Variants in CLSTN2 observed in about 807,000 individuals in gnomAD.
CLSTN2 encodes calsyntenin-2.
CLSTN2 carries 48 observed loss-of-function variants against 101.2 expected under a neutral mutation model. That is an observed-to-expected ratio of 0.47 (90% CI 0.38 to 0.60). The LOEUF (loss-of-function observed/expected upper bound fraction) is 0.60. Among genes scored for constraint, CLSTN2 ranks in the 20% least tolerant of loss-of-function variants. The pLI, the probability that CLSTN2 is intolerant of heterozygous loss-of-function variation, is 0.00. For synonymous variants in CLSTN2, 481 were observed against 463.6 expected, an observed-to-expected ratio of 1.04 and a Z score of -0.48; for missense variants, 1,160 against 1,238.2, an observed-to-expected ratio of 0.94 and a Z score of 0.95.
chr3:140,566,039 TC>T lies in CLSTN2; in HGVS notation c.2668-12del, dbSNP rs1936018958. The stretch of plus-strand genomic sequence containing the variant: ...GCCCCTGATGAGCATTTGCTTTTTC[TC>T]CTTGATATCCAGAAACATGAAGGAC... On this transcript the variant is annotated splice_polypyrimidine_tract_variant and intron_variant, in intron 16 of 16. Transcript: ENST00000458420. The T allele has an allele frequency of 6.2e-7, 1 of 1,613,866 alleles. No individual in the cohort carries two copies. Among genetic ancestry groups the T allele is most frequent in the African/African-American group, 1.3e-5 (1 of 74,930 alleles).
chr3:140,166,282 T>A (rs1377765224), intron 1 of CLSTN2, among the ~76,000 whole-genome samples: 4 of 152,182 alleles, frequency 2.6e-5, no homozygotes, highest in Admixed American at 2.6e-4. Context: ...GGGTCCAGTA[T>A]CTATCTTGGC....
chr3:140,070,750 G>A (rs190382744), intron 1 of CLSTN2, among the ~76,000 whole-genome samples: 19 of 152,168 alleles, frequency 1.2e-4, no homozygotes, highest in African/African-American at 4.1e-4. Flanking sequence ...AGAGGGATTG[G>A]CAGTCTGTGG....
chr3:140,057,753 A>T lies in CLSTN2; in HGVS notation c.110-118198A>T, dbSNP rs576158291. 7.9e-5 allele frequency among the ~76,000 whole-genome samples: 12 copies of T among 152,296 alleles called. No individual in the cohort carries two copies. The South Asian group carries it at 2.3e-3, about 29-fold the overall frequency. The stretch of plus-strand genomic sequence containing the variant: ...CCTCCCAAAAATGTAGGGCCCAATT[A>T]TCACTGCGGCTATAAGCTAATTATC... On this transcript the variant is annotated intron_variant, in intron 1 of 16. Coordinates refer to ENST00000458420, the MANE Select transcript of CLSTN2 (RefSeq NM_022131.3).
intron 1 of CLSTN2, among the ~76,000 whole-genome samples, chr3:140,133,161 GGACCAAGA>G (rs2009547838): frequency 6.6e-6 from 1 of 152,066 alleles, no homozygotes; most frequent in African/African-American, 2.4e-5. Flanking sequence ...GGTGGGAAAG[GGACCAAGA>G]GAGAGGGAGG....
At chr3:140,229,911 T>C (rs950982993) in intron 2 of CLSTN2, among the ~76,000 whole-genome samples, 2 of 152,136 alleles carry the variant, frequency 1.3e-5, no homozygotes, top group African/African-American at 4.8e-5. Context: ...ATCCTGATCG[T>C]CCCTCTGAGC....
intron 5 of CLSTN2, among the ~76,000 whole-genome samples, chr3:140,431,372 C>T (rs113004128): frequency 2.1e-3 from 325 of 152,256 alleles, no homozygotes; most frequent in African/African-American, 7.4e-3. Flanking sequence ...CCAAAGATGC[C>T]GGGCCCAGGT....
chr3:140,384,193 C>A (rs2088025379), intron 2 of CLSTN2, among the ~76,000 whole-genome samples: 1 of 152,180 alleles, frequency 6.6e-6, no homozygotes, highest in Non-Finnish European at 1.5e-5. Context: ...GAGTGCATGT[C>A]CCCGAACTGG....
chr3:140,451,890 G>A (rs1178901760), intron 6 of CLSTN2, among the ~76,000 whole-genome samples: 1 of 152,146 alleles, frequency 6.6e-6, no homozygotes, highest in Non-Finnish European at 1.5e-5. Context: ...TATTGACTTT[G>A]GATGGAAACA....
At chr3:140,056,105 G>T (rs963042821) in intron 1 of CLSTN2, among the ~76,000 whole-genome samples, 1 of 152,146 alleles carries the variant, frequency 6.6e-6, no homozygotes, top group Non-Finnish European at 1.5e-5. Context: ...CGGTTTGTTC[G>T]CTGGGAAGCC....
chr3:140,297,869 T>C (rs967125640), intron 2 of CLSTN2, among the ~76,000 whole-genome samples: 1 of 152,228 alleles, frequency 6.6e-6, no homozygotes, highest in African/African-American at 2.4e-5. Context: ...CAGCTTACCA[T>C]GGGGTTTCAT....
At chr3:140,223,354 T>C (rs1347340641) in intron 2 of CLSTN2, among the ~76,000 whole-genome samples, 2 of 152,150 alleles carry the variant, frequency 1.3e-5, no homozygotes, top group Non-Finnish European at 2.9e-5. Flanking sequence ...TAGCTAAGTC[T>C]TTGTTGAGAG....
intron 8 of CLSTN2, among the ~76,000 whole-genome samples, chr3:140,526,141 C>G (rs939408415): frequency 1.3e-5 from 2 of 152,108 alleles, no homozygotes; most frequent in African/African-American, 4.8e-5. Context: ...CAAACCATCT[C>G]TCTTTTCAAA....
chr3:140,012,101 A>G (rs768740283), intron 1 of CLSTN2, among the ~76,000 whole-genome samples: 75 of 152,134 alleles, frequency 4.9e-4, no homozygotes, highest in Non-Finnish European at 9.1e-4. Flanking sequence ...GATGGACGGG[A>G]GGGTGCTCTC....
intron 8 of CLSTN2, among the ~76,000 whole-genome samples, chr3:140,522,345 A>G (rs375295246): frequency 1.6e-3 from 234 of 149,530 alleles, no homozygotes; most frequent in African/African-American, 5.9e-3. Context: ...CCCCAGGTCC[A>G]GCCTCTTTTT....
chr3:140,355,438 T>C (rs941511013), intron 2 of CLSTN2, among the ~76,000 whole-genome samples: 1 of 152,192 alleles, frequency 6.6e-6, no homozygotes, highest in Non-Finnish European at 1.5e-5. Context: ...TATAGCATAG[T>C]TCCTGAGATG....
intron 8 of CLSTN2, among the ~76,000 whole-genome samples, chr3:140,484,148 G>A (rs554920201): frequency 6.6e-6 from 1 of 152,230 alleles, no homozygotes; most frequent in East Asian, 1.9e-4. Context: ...GCTCTTTTAC[G>A]GCAGGCCTGG....
At chr3:140,520,248 A>T (rs1181347781) in intron 8 of CLSTN2, among the ~76,000 whole-genome samples, 1 of 152,034 alleles carries the variant, frequency 6.6e-6, no homozygotes, top group African/African-American at 2.4e-5. Flanking sequence ...TTTTTCTTTC[A>T]TTTGGACCTT....
intron 2 of CLSTN2, among the ~76,000 whole-genome samples, chr3:140,295,267 G>A (rs375841482): frequency 1.4e-4 from 22 of 151,922 alleles, no homozygotes; most frequent in South Asian, 1.2e-3. Context: ...TTTTCTTTGC[G>A]CATTTCTTTG....
chr3:140,511,121 T>C (rs1934804956), intron 8 of CLSTN2, among the ~76,000 whole-genome samples: 1 of 152,218 alleles, frequency 6.6e-6, no homozygotes, highest in African/African-American at 2.4e-5. Context: ...TGGTGTTTGG[T>C]TTTTTGTTCC....
Sources: gnomAD v4.1 joint callset for allele counts (sites outside exome capture counted in the v4.1 genomes callset) on GRCh38, gnomAD v4.1.1 for gene constraint, MANE v1.5 for transcripts, NCBI Gene and HGNC (gene_info 2026-07-23, HGNC 2026-07-21) for gene names.